The following GPM6B variants were observed in gnomAD, a reference collection of about 807,000 sequenced individuals.
The protein encoded by GPM6B is glycoprotein M6B.
Under a neutral mutation model 27.2 loss-of-function variants are expected in GPM6B, and 4 were observed. The ratio of observed to expected loss-of-function variants is 0.15; its 90% confidence interval spans 0.07 to 0.34. The LOEUF (loss-of-function observed/expected upper bound fraction) is 0.34, where lower values mean the gene tolerates loss of function less well. Ranked by LOEUF, GPM6B falls within the 10% of genes least tolerant of loss-of-function variation. GPM6B has a pLI of 1.00. For synonymous variants in GPM6B, 124 were observed against 103.1 expected (o/e 1.20, Z -1.23); for missense variants, 183 against 261.9 (o/e 0.70, Z 2.08).
chrX:13,813,496 TTAAC>T (rs1387884360), intron 1 of GPM6B, among the ~76,000 whole-genome samples: 1 of 111,897 alleles, frequency 8.9e-6, no homozygotes, highest in Non-Finnish European at 1.9e-5. Flanking sequence ...TCATAGGAAG[TTAAC>T]TAACCTGACT....
At chrX:13,807,204 A>G (rs967275190) in intron 2 of GPM6B, among the ~76,000 whole-genome samples, 2 of 112,432 alleles carry the variant, frequency 1.8e-5, no homozygotes, top group South Asian at 3.7e-4. Flanking sequence ...GGTGCAGAGC[A>G]GCAGGGCTGG....
intron 1 of GPM6B, among the ~76,000 whole-genome samples, chrX:13,813,511 A>G (rs1360125561): frequency 8.9e-6 from 1 of 112,118 alleles, no homozygotes; most frequent in Non-Finnish European, 1.9e-5. Flanking sequence ...TAACCTGACT[A>G]TAATTGTTTC....
intron 1 of GPM6B, among the ~76,000 whole-genome samples, chrX:13,844,081 T>A (rs1376235848): frequency 2.7e-5 from 3 of 112,409 alleles, no homozygotes; most frequent in Non-Finnish European, 5.6e-5. Context: ...TTTGTGTATA[T>A]GAGGTAGGGG....
intron 1 of GPM6B, chrX:13,938,300 C>G (rs938695397): frequency 1.8e-5 from 5 of 272,680 alleles, no homozygotes; most frequent in Admixed American, 6.4e-5. Flanking sequence ...GACCACCCCC[C>G]CCACAGGATA....
intron 1 of GPM6B, among the ~76,000 whole-genome samples, chrX:13,829,090 C>G (rs1329779094): frequency 9.0e-6 from 1 of 111,669 alleles, no homozygotes; most frequent in African/African-American, 3.3e-5. Flanking sequence ...AGGTCACCAC[C>G]AAAGAAAGCT....
chrX:13,862,020 G>A (rs1042054134), intron 1 of GPM6B, among the ~76,000 whole-genome samples: 12 of 111,241 alleles, frequency 1.1e-4, no homozygotes, highest in Non-Finnish European at 1.9e-4. Flanking sequence ...TAAAGGTAGA[G>A]GTGAGTGTGA....
chrX:13,919,791 A>G (rs781652994), intron 1 of GPM6B, among the ~76,000 whole-genome samples: 5 of 111,262 alleles, frequency 4.5e-5, no homozygotes, highest in Non-Finnish European at 7.5e-5. Context: ...AAGAGAACAC[A>G]CAGAAATCAA....
intron 1 of GPM6B, among the ~76,000 whole-genome samples, chrX:13,829,678 G>T (rs2049416625): frequency 9.0e-6 from 1 of 110,847 alleles, no homozygotes; most frequent in East Asian, 2.8e-4. Flanking sequence ...CAATTTGGAT[G>T]TGAGACCTGA....
At chrX:13,801,124 T>G (rs1180549414) in intron 2 of GPM6B, among the ~76,000 whole-genome samples, 1 of 111,350 alleles carries the variant, frequency 9.0e-6, no homozygotes, top group Non-Finnish European at 1.9e-5. Flanking sequence ...AAATAAAACT[T>G]GCTAAAGTGC....
At chrX:13,897,588 C>A (rs2050244907) in intron 1 of GPM6B, among the ~76,000 whole-genome samples, 1 of 112,097 alleles carries the variant, frequency 8.9e-6, no homozygotes, top group Non-Finnish European at 1.9e-5. Context: ...ATCAATCTAT[C>A]TGTTACTCTC....
At chrX:13,803,638 A>G (rs2048963352) in intron 2 of GPM6B, among the ~76,000 whole-genome samples, 1 of 112,355 alleles carries the variant, frequency 8.9e-6, no homozygotes, top group African/African-American at 3.2e-5. Flanking sequence ...TAAAAATGGC[A>G]GCCTATATTT....
intron 1 of GPM6B, among the ~76,000 whole-genome samples, chrX:13,865,026 CTCTT>C (rs1428397012): frequency 4.5e-5 from 5 of 112,193 alleles, no homozygotes; most frequent in African/African-American, 1.3e-4. Context: ...AATGTAGTCT[CTCTT>C]TCTTATCTTA....
intron 1 of GPM6B, among the ~76,000 whole-genome samples, chrX:13,810,434 G>A (rs764449982): frequency 2.7e-5 from 3 of 111,533 alleles, no homozygotes; most frequent in Non-Finnish European, 5.6e-5. Flanking sequence ...CCCAATAAAC[G>A]CTGGCTGAAT....
intron 2 of GPM6B, among the ~76,000 whole-genome samples, chrX:13,804,430 G>A (rs924573683): frequency 2.0e-5 from 1 of 50,591 alleles, no homozygotes; most frequent in African/African-American, 8.0e-5. Flanking sequence ...GGGGGGCGGG[G>A]GGCGGGGGTA....
Position 13,920,890 on chromosome X carries a change from C to CA in GPM6B, c.-198+17436dup, listed in dbSNP as rs35002910. ...TGGGCGATAGAGTGAGATTCCGCCT[C>CA]AAAAAAAAAAAAAAGAAATTAATGG... On this transcript the variant is annotated intron_variant, in intron 1 of 6. Coordinates refer to the GPM6B transcript ENST00000398361. 7.1e-3 allele frequency among the ~76,000 whole-genome samples: 560 copies of CA among 78,980 alleles called. 6 individuals are homozygous for CA. The highest frequency in any genetic ancestry group is 0.015 in the African/African-American group (323 of 21,539). The allele number at this position is 78,980 out of a possible 115,157, so 68.6% of individuals were successfully genotyped here. A position where few individuals can be genotyped will look rare whatever the true frequency, so the allele number is the denominator to read the frequency against.
intron 2 of GPM6B, among the ~76,000 whole-genome samples, chrX:13,791,625 A>G (rs1334904449): frequency 2.7e-5 from 3 of 111,859 alleles, no homozygotes; most frequent in African/African-American, 9.8e-5. Context: ...AGGGAAAAAA[A>G]AAATACACAT....
chrX:13,772,581 T>G lies in GPM6B; in HGVS notation c.*300A>C, dbSNP rs1172216466. 4.0e-6 allele frequency: 1 copy of G among 250,434 alleles called. No individual in the cohort carries two copies. The highest frequency in any genetic ancestry group is 7.2e-6 in the Non-Finnish European group (1 of 138,600). The allele number at this position is 250,434 out of a possible 1,213,427, so 20.6% of individuals were successfully genotyped here. ...GTGTGACATATTCCATTGAGTGTCT[T>G]GGTAGAATTGCCCTAGCAATAAATG... On this transcript the variant is annotated 3_prime_UTR_variant, in exon 8 of 8. Coordinates refer to ENST00000316715, the MANE Select transcript of GPM6B (RefSeq NM_001001995.3).
chrX:13,780,091 G>A, intron 4 of GPM6B, 102 bp from the exon 5 acceptor site: 1 of 681,305 alleles, frequency 1.5e-6, no homozygotes, highest in Non-Finnish European at 2.1e-6. Flanking sequence ...CTGACCTGTG[G>A]AACACATTGT....
At chrX:13,795,151 A>G (rs2048786614) in intron 2 of GPM6B, among the ~76,000 whole-genome samples, 1 of 112,240 alleles carries the variant, frequency 8.9e-6, no homozygotes, top group Non-Finnish European at 1.9e-5. Context: ...TTTTTTTGAC[A>G]TGGTTTAATT....
Sources: gnomAD v4.1 joint callset for allele counts (sites outside exome capture counted in the v4.1 genomes callset) on GRCh38, gnomAD v4.1.1 for gene constraint, MANE v1.5 for transcripts, NCBI Gene and HGNC (gene_info 2026-07-23, HGNC 2026-07-21) for gene names.